The following MCOLN2 variants were observed in gnomAD, a reference collection of about 807,000 sequenced individuals.
MCOLN2 encodes the protein mucolipin TRP cation channel 2.
Under a neutral mutation model 67.5 loss-of-function variants are expected in MCOLN2, and 57 were observed. The observed-to-expected ratio is 0.84, with a 90% CI of 0.68 to 1.05. MCOLN2 has a LOEUF of 1.05. Among genes scored for constraint, MCOLN2 ranks in the 50% least tolerant of loss-of-function variants. The probability of loss-of-function intolerance (pLI) is 0.00; values close to 1 mark genes in which losing one functional copy is unlikely to be tolerated. For missense variants in MCOLN2, 620 were observed against 678.8 expected (o/e 0.91, Z 0.96); for synonymous variants, 246 against 233.3 (o/e 1.05, Z -0.50).
chr1:84,986,219 C>A (rs1650498586), intron 1 of MCOLN2, among the ~76,000 whole-genome samples: 1 of 152,152 alleles, frequency 6.6e-6, no homozygotes, highest in East Asian at 1.9e-4. Context: ...ACAAATGGTG[C>A]TGGAATAATT....
At chr1:84,933,161 T>A (rs1265974135) in intron 11 of MCOLN2, among the ~76,000 whole-genome samples, 1 of 152,148 alleles carries the variant, frequency 6.6e-6, no homozygotes, top group Non-Finnish European at 1.5e-5. Flanking sequence ...CATTTCAGAG[T>A]GTACTTCAAG....
chr1:84,959,965 C>T (rs551117341), intron 2 of MCOLN2, among the ~76,000 whole-genome samples: 1 of 152,116 alleles, frequency 6.6e-6, no homozygotes, highest in South Asian at 2.1e-4. Flanking sequence ...CTTGGGAGGC[C>T]GAGGTGGGAG....
At chr1:84,965,418 A>C (rs1179549738) in intron 2 of MCOLN2, 131 bp downstream of exon 2, 1 of 917,516 alleles carries the variant, frequency 1.1e-6, no homozygotes, top group Non-Finnish European at 1.6e-6. Context: ...TCTGCTCTCC[A>C]GAGTCAATAT....
intron 6 of MCOLN2, among the ~76,000 whole-genome samples, chr1:84,949,169 A>G (rs1648281354): frequency 6.6e-6 from 1 of 152,200 alleles, no homozygotes; most frequent in Non-Finnish European, 1.5e-5. Context: ...GAATTTCTGA[A>G]CTTGAAGACA....
chr1:84,991,710 A>G (rs896249207), intron 1 of MCOLN2, among the ~76,000 whole-genome samples: 1 of 152,172 alleles, frequency 6.6e-6, no homozygotes, highest in African/African-American at 2.4e-5. Context: ...AAGTTCCTAA[A>G]AATCACCTCT....
intron 1 of MCOLN2, among the ~76,000 whole-genome samples, chr1:84,991,089 C>T (rs1204352431): frequency 1.3e-5 from 2 of 151,724 alleles, no homozygotes; most frequent in Non-Finnish European, 2.9e-5. Flanking sequence ...ATATTTTTTT[C>T]ATTTTTGGTG....
chr1:84,928,350 C>A (rs1475124681), intron 13 of MCOLN2, among the ~76,000 whole-genome samples: 1 of 152,144 alleles, frequency 6.6e-6, no homozygotes, highest in African/African-American at 2.4e-5. Flanking sequence ...GCTGTTGCTC[C>A]TTGCGTCTCA....
intron 11 of MCOLN2, among the ~76,000 whole-genome samples, chr1:84,932,935 GA>G (rs1170061308): frequency 6.6e-6 from 1 of 152,168 alleles, no homozygotes; most frequent in African/African-American, 2.4e-5. Context: ...ACAAAGTTTG[GA>G]TGCAAAATAA....
chr1:84,979,544 C>T (rs1269376565), intron 1 of MCOLN2, among the ~76,000 whole-genome samples: 2 of 152,146 alleles, frequency 1.3e-5, no homozygotes, highest in East Asian at 3.8e-4. Context: ...CAATGTGATG[C>T]ATCATATTAA....
chr1:84,929,431 AAAAG>A, intron 13 of MCOLN2, 123 bp downstream of exon 13: 1 of 1,124,252 alleles, frequency 8.9e-7, no homozygotes, highest in Non-Finnish European at 1.2e-6. Context: ...GGGAGGAAAG[AAAAG>A]AAAGGTGAAT....
In MCOLN2 at chr1:84,937,820, C is replaced by T. The variant is rs1647518461; in HGVS notation, c.1270G>A (p.Ala424Thr). 3 of 1,614,138 alleles carry T rather than the reference C, an allele frequency of 1.9e-6. No individual in the cohort carries two copies. The highest frequency in any genetic ancestry group is 2.5e-6 in the Non-Finnish European group (3 of 1,180,024). Residue 424 changes from alanine (A) to threonine (T), a missense_variant, in exon 11 of 14, where the codon GCT (alanine) becomes ACT (threonine). Transcript: ENST00000370608. ...GTGTAACCCAGATAAATCATACCAG[C>T]ACAAGCACAAAACCGAAGAACTTTT... The part of the protein sequence containing the change: ...LPKVLRFCAC[A>T]GMIYLGYTFC...
chr1:84,939,265 T>C (rs1647612096), intron 9 of MCOLN2, among the ~76,000 whole-genome samples: 1 of 152,180 alleles, frequency 6.6e-6, no homozygotes, highest in African/African-American at 2.4e-5. Flanking sequence ...GGGACTGGTT[T>C]ATGGATAAGC....
At chr1:84,981,526 A>G (rs1013950147) in intron 1 of MCOLN2, among the ~76,000 whole-genome samples, 2 of 152,210 alleles carry the variant, frequency 1.3e-5, no homozygotes, top group Non-Finnish European at 2.9e-5. Context: ...ACTGGCGATC[A>G]TTATGTTAAG....
rs1382851900 is a variant in MCOLN2, at chr1:84,958,583, G to A, written c.357C>T (p.Cys119=). Residue 119 remains cysteine (C), a synonymous_variant, in exon 3 of 14, where the codon TGC becomes TGT. Coordinates refer to ENST00000370608, the MANE Select transcript of MCOLN2 (RefSeq NM_153259.4). ...AGGCATCCTCTTGAGTATATACACT[G>A]CAGCTGTAGTCATCTTCATCTGTAC... The part of the protein sequence containing the change: ...YSGTDEDDYS[C]SVYTQEDAYE... 1.9e-6 allele frequency: 3 copies of A among 1,610,956 alleles called. No individual in the cohort carries two copies. In the South Asian group the frequency reaches 3.3e-5, roughly 18 times the overall value.
intron 6 of MCOLN2, among the ~76,000 whole-genome samples, chr1:84,951,475 C>G (rs181481357): frequency 2.7e-4 from 41 of 150,694 alleles, no homozygotes; most frequent in African/African-American, 9.9e-4. Flanking sequence ...CTATACATGC[C>G]CCCTCCCAAA....
intron 1 of MCOLN2, among the ~76,000 whole-genome samples, chr1:84,985,336 T>C (rs1424167101): frequency 6.6e-6 from 1 of 152,174 alleles, no homozygotes; most frequent in Non-Finnish European, 1.5e-5. Flanking sequence ...CTTCTGTCAG[T>C]TTCCAGGACA....
At chr1:84,972,320 T>G (rs1244364580) in intron 1 of MCOLN2, among the ~76,000 whole-genome samples, 1 of 152,196 alleles carries the variant, frequency 6.6e-6, no homozygotes, top group African/African-American at 2.4e-5. Flanking sequence ...ATCACAGCTT[T>G]TATGAATTAT....
chr1:84,929,367 T>G (rs1661297037), intron 13 of MCOLN2, among the ~76,000 whole-genome samples, 191 bp downstream of exon 13: 1 of 152,234 alleles, frequency 6.6e-6, no homozygotes, highest in African/African-American at 2.4e-5. Context: ...TCGTGTAGCT[T>G]TCTACATAAC....
At chr1:84,975,760 T>C (rs1649963076) in intron 1 of MCOLN2, among the ~76,000 whole-genome samples, 1 of 152,100 alleles carries the variant, frequency 6.6e-6, no homozygotes, top group Non-Finnish European at 1.5e-5. Context: ...ATAGCTCTTT[T>C]AAGGAAACTC....
Sources: allele counts gnomAD v4.1 joint callset (sites outside exome capture counted in the v4.1 genomes callset), GRCh38; gene constraint gnomAD v4.1.1; transcripts MANE v1.5; gene names NCBI Gene and HGNC (gene_info 2026-07-23, HGNC 2026-07-21).